KLF4: variants seen among roughly 807,000 people sequenced by gnomAD.
KLF4 encodes KLF transcription factor 4, also known as Krueppel-like factor 4.
A neutral mutation model predicts 38.0 loss-of-function variants in KLF4; 14 were observed. The observed-to-expected ratio is 0.37, with a 90% CI of 0.24 to 0.58. The LOEUF (loss-of-function observed/expected upper bound fraction) is 0.58. Among genes scored for constraint, KLF4 ranks in the 20% least tolerant of loss-of-function variants. The pLI is 0.76. For missense variants in KLF4, 737 were observed against 670.1 expected (o/e 1.10, Z -1.10); for synonymous variants, 398 against 302.5 (o/e 1.32, Z -3.28).
Position 107,488,973 on chromosome 9 carries a change from G to C in KLF4, c.83C>G (p.Ala28Gly), listed in dbSNP as rs1307202426. 6.4e-7 allele frequency: 1 copy of C among 1,568,338 alleles called. No homozygotes were observed. Among genetic ancestry groups the C allele is most frequent in the African/African-American group, 1.4e-5 (1 of 73,910 alleles). ...PSFSTFASGP[A>G]GREKTLRQAG... Reference sequence around the variant, plus strand: ...TTGACGCAGTGTCTTCTCCCTTCCCGCCGGGCCAGACGCGAACGTGGAGAA... The same window carrying C: ...TTGACGCAGTGTCTTCTCCCTTCCCCCCGGGCCAGACGCGAACGTGGAGAA... The change falls in exon 2 of 5, where the codon GCG becomes GGG. Residue 28 changes from alanine (A) to glycine (G), a missense_variant. Around this residue, in one of 2 missense-constraint regions of KLF4, gnomAD observed 695 missense variants for 554.5 expected, o/e 1.25. Transcript: ENST00000374672. The surrounding 1 kb of genome is among the most constrained non-coding windows in gnomAD (Gnocchi z 5.7).
In KLF4 at chr9:107,487,615, G is replaced by C. The variant is rs768059460; in HGVS notation, c.779C>G (p.Pro260Arg). ...GCCGTTGTAGGGCGCCACCACCACC[G>C]GGTGGCTGCCGTCAGGGCTGCCTTT... is the stretch of plus-strand genomic sequence containing the variant. ...VSKGSPDGSH[P>R]VVVAPYNGGP... Residue 260 changes from proline (P) to arginine (R), a missense_variant, in exon 3 of 5, where the codon CCG becomes CGG. Around this residue, in one of 2 missense-constraint regions of KLF4, gnomAD observed 695 missense variants for 554.5 expected, o/e 1.25. Coordinates refer to ENST00000374672, the MANE Select transcript of KLF4 (RefSeq NM_004235.6). This position sits in a 1 kb window ranked among gnomAD's most constrained non-coding sequence, Gnocchi z 6.1. 93 of 1,600,772 alleles carry C rather than the reference G, an allele frequency of 5.8e-5. No individual in the cohort carries two copies. In the African/African-American group the frequency reaches 1.1e-3, roughly 19 times the overall value.
Position 107,487,395 on chromosome 9 carries a change from G to C in KLF4, c.999C>G (p.Ala333=). ...GATGGAAGCCGGGAGGAAGCGGCAG[G>C]GCAGGGTGACAGTCCCTGCTGCTCA... ...EVLSSRDCHP[A]LPLPPGFHPH... The change falls in exon 3 of 5, where the codon GCC becomes GCG. Residue 333 remains alanine (A), a synonymous_variant. Transcript: ENST00000374672. This position sits in a 1 kb window ranked among gnomAD's most constrained non-coding sequence, Gnocchi z 6.1. 6.5e-7 allele frequency: 1 copy of C among 1,529,748 alleles called. No individual in the cohort carries two copies. Among genetic ancestry groups the C allele is most frequent in the Non-Finnish European group, 8.8e-7 (1 of 1,139,530 alleles). The allele number at this position is 1,529,748 out of a possible 1,614,324, so 94.8% of individuals were successfully genotyped here.
chr9:107,489,378 AAATAGAC>A lies in KLF4; in HGVS notation c.-213_-207del. 1 of 598,082 alleles carries A rather than the reference AAATAGAC, an allele frequency of 1.7e-6. No homozygotes were observed. The highest frequency in any genetic ancestry group is 3.5e-5 in the South Asian group (1 of 28,214). 37.0% of individuals were successfully genotyped at this position (598,082 alleles called of 1,614,324 possible). On this transcript the variant is annotated 5_prime_UTR_variant, in exon 1 of 5. Coordinates refer to ENST00000374672, the MANE Select transcript of KLF4 (RefSeq NM_004235.6). Reference sequence around the variant, plus strand: ...GTTCTTAGAAAAGTTGTAAACGCAAAAATAGACAATCAGCAAGGCGAGTAAGTAGGTC... The same window carrying A: ...GTTCTTAGAAAAGTTGTAAACGCAAAAATCAGCAAGGCGAGTAAGTAGGTC...
chr9:107,486,961 G>A (rs530970721), intron 4 of KLF4, 67 bp downstream of exon 4: 15 of 1,612,062 alleles, frequency 9.3e-6, no homozygotes, highest in African/African-American at 2.7e-5. Context: ...AGGCACTGAG[G>A]AGTGTCCACT....
Position 107,486,512 on chromosome 9 carries a change from G to A in KLF4, c.1264+516C>T, listed in dbSNP as rs576351701. 6.1e-5 allele frequency among the ~76,000 whole-genome samples: 9 copies of A among 146,726 alleles called. No individual in the cohort carries two copies. In the South Asian group the frequency reaches 2.0e-3, roughly 32 times the overall value. ...AAAATAAAACCTTCTGCTTGTGGGG[G>A]AAAAAAAATAAAAATGTAAATCAAA... On this transcript the variant is annotated intron_variant, in intron 4 of 4. Coordinates refer to ENST00000374672, the MANE Select transcript of KLF4 (RefSeq NM_004235.6).
Position 107,484,883 on chromosome 9 carries a change from CTTAA to C in KLF4, c.*864_*867del, listed in dbSNP as rs1287094977. 5.4e-6 allele frequency: 1 copy of C among 186,856 alleles called. No individual in the cohort carries two copies. The highest frequency in any genetic ancestry group is 1.1e-5 in the Non-Finnish European group (1 of 88,334). 11.6% of individuals were successfully genotyped at this position (186,856 alleles called of 1,614,324 possible). On this transcript the variant is annotated 3_prime_UTR_variant, in exon 5 of 5. Transcript: ENST00000374672. ...TAAAATATTATAGGTTTATTTAAAA[CTTAA>C]TTCTCACCTTGAGTATGCAAAATAC...
chr9:107,486,006 A>G (rs1829053816), intron 4 of KLF4, 80 bp from the exon 5 acceptor site: 1 of 1,304,862 alleles, frequency 7.7e-7, no homozygotes, highest in Non-Finnish European at 1.1e-6. Context: ...AAGGCCAGAT[A>G]GTAAACCAAC....
At chr9:107,486,337 G>A (rs963267990) in intron 4 of KLF4, among the ~76,000 whole-genome samples, 2 of 151,982 alleles carry the variant, frequency 1.3e-5, no homozygotes, top group African/African-American at 4.8e-5. Context: ...AGCCACAGGT[G>A]GCTACTTTTT....
At position 107,488,396 on chromosome 9, in the gene KLF4, G is replaced by A; in HGVS notation, c.127-129C>T. ...GGGACTGGTCAGGCAGGAAGCACCC[G>A]GGAACCCAGGGCGCCAGCGCTGCAA... On this transcript the variant is annotated intron_variant, in intron 2 of 4. Coordinates refer to ENST00000374672, the MANE Select transcript of KLF4 (RefSeq NM_004235.6). The surrounding 1 kb of genome is among the most constrained non-coding windows in gnomAD (Gnocchi z 5.7). 7.0e-7 allele frequency: 1 copy of A among 1,420,470 alleles called. No homozygotes were observed. Among genetic ancestry groups the A allele is most frequent in the East Asian group, 2.5e-5 (1 of 39,790 alleles). 88.0% of individuals were successfully genotyped at this position (1,420,470 alleles called of 1,614,324 possible). A position where few individuals can be genotyped will look rare whatever the true frequency, so the allele number is the denominator to read the frequency against.
rs1369075765 is a variant in KLF4 at position 107,488,867 on chromosome 9, C to T, written c.126+63G>A. The T allele has an allele frequency of 3.3e-6, 5 of 1,522,432 alleles. No individual in the cohort carries two copies. The East Asian group carries it at 1.2e-4, about 38-fold the overall frequency. 94.3% of individuals were successfully genotyped at this position (1,522,432 alleles called of 1,614,324 possible). On this transcript the variant is annotated intron_variant, in intron 2 of 4. Coordinates refer to ENST00000374672, the MANE Select transcript of KLF4 (RefSeq NM_004235.6). The surrounding 1 kb of genome is among the most constrained non-coding windows in gnomAD (Gnocchi z 5.7). ...GGCTCTTGGTGACCCCAAGGCTCCG[C>T]CCGCCCCCACCACACCCACGAAAAC...
In KLF4 at chr9:107,488,844, C is replaced by T. The variant is rs1173449564; in HGVS notation, c.126+86G>A. The T allele has an allele frequency of 1.3e-6, 2 of 1,487,990 alleles. No individual in the cohort carries two copies. The highest frequency in any genetic ancestry group is 4.3e-5 in the Admixed American group (2 of 46,218). The allele number at this position is 1,487,990 out of a possible 1,614,324, so 92.2% of individuals were successfully genotyped here. The stretch of plus-strand genomic sequence containing the variant: ...GCCGCTCCTTACCCTCGTTCAGTGG[C>T]TCTTGGTGACCCCAAGGCTCCGCCC... On this transcript the variant is annotated intron_variant, in intron 2 of 4. Coordinates refer to ENST00000374672, the MANE Select transcript of KLF4 (RefSeq NM_004235.6). The surrounding 1 kb of genome is among the most constrained non-coding windows in gnomAD (Gnocchi z 5.7).
intron 4 of KLF4, among the ~76,000 whole-genome samples, chr9:107,486,771 TCAAACA>T (rs1255017169): frequency 6.6e-6 from 1 of 151,956 alleles, no homozygotes; most frequent in Non-Finnish European, 1.5e-5. Flanking sequence ...AATTGCACAT[TCAAACA>T]CAGATACCAT....
Position 107,488,483 on chromosome 9 carries a change from G to C in KLF4, c.127-216C>G. On this transcript the variant is annotated intron_variant, in intron 2 of 4. Transcript: ENST00000374672. The surrounding 1 kb of genome is among the most constrained non-coding windows in gnomAD (Gnocchi z 5.7). The stretch of plus-strand genomic sequence containing the variant: ...GTCTGTATTGCGGGTGTTATGTCCT[G>C]TCTGCCCAATTGCGTGTGAGCGAGC... 1 of 827,086 alleles carries C rather than the reference G, an allele frequency of 1.2e-6. No individual in the cohort carries two copies. Among genetic ancestry groups the C allele is most frequent in the Non-Finnish European group, 1.8e-6 (1 of 551,980 alleles). 51.2% of individuals were successfully genotyped at this position (827,086 alleles called of 1,614,324 possible).
At position 107,489,162 on chromosome 9, in the gene KLF4, A is replaced by G; in HGVS notation, c.5+6T>C. 1 of 1,527,884 alleles carries G rather than the reference A, an allele frequency of 6.5e-7. No homozygotes were observed. The highest frequency in any genetic ancestry group is 2.5e-5 in the East Asian group (1 of 40,768). 94.6% of individuals were successfully genotyped at this position (1,527,884 alleles called of 1,614,324 possible). On this transcript the variant is annotated splice_donor_region_variant and intron_variant, in intron 1 of 4. Coordinates refer to ENST00000374672, the MANE Select transcript of KLF4 (RefSeq NM_004235.6). ...CCCTGCTCCCAGCGCCGCGCGCCTCACCTACCTCATTAATGTGGGGGCCCA... is the reference window on the plus strand; with the variant it reads ...CCCTGCTCCCAGCGCCGCGCGCCTCGCCTACCTCATTAATGTGGGGGCCCA...
Position 107,489,606 on chromosome 9 carries a change from A to G in KLF4, c.-434T>C, listed in dbSNP as rs1309809107. 9 of 166,652 alleles carry G rather than the reference A, an allele frequency of 5.4e-5. 1 individual carries two copies. The South Asian group carries it at 2.3e-3, about 43-fold the overall frequency. 10.3% of individuals were successfully genotyped at this position (166,652 alleles called of 1,614,324 possible). ...GCGCGGACTCCGGTGAGTTGTGTGG[A>G]GCGCGCGCGGCCATGGGCGCGGGCC... On this transcript the variant is annotated 5_prime_UTR_variant, in exon 1 of 5. Coordinates refer to ENST00000374672, the MANE Select transcript of KLF4 (RefSeq NM_004235.6).
chr9:107,489,482 C>A lies in KLF4; in HGVS notation c.-310G>T, dbSNP rs896745569. The A allele has an allele frequency of 1.2e-5, 3 of 260,354 alleles. No homozygotes were observed. The highest frequency in any genetic ancestry group is 2.2e-5 in the African/African-American group (1 of 44,862). 16.1% of individuals were successfully genotyped at this position (260,354 alleles called of 1,614,324 possible). ...CTGTCGCGGTCGCCTCGAGTGCTGC[C>A]GTGGGCGCAGGGGCTGTGGCCGGGG... On this transcript the variant is annotated 5_prime_UTR_variant, in exon 1 of 5. Coordinates refer to ENST00000374672, the MANE Select transcript of KLF4 (RefSeq NM_004235.6).
At position 107,487,534 on chromosome 9, in the gene KLF4, T is replaced by A. The variant is rs1829091484; in HGVS notation, c.860A>T (p.His287Leu). 1.3e-6 allele frequency: 2 copies of A among 1,557,894 alleles called. No homozygotes were observed. The change falls in exon 3 of 5, where the codon CAC becomes CTC. Residue 287 changes from histidine to leucine, a missense_variant. By Grantham distance (99) the His-to-Leu change is moderately conservative. Around this residue, in one of 2 missense-constraint regions of KLF4, gnomAD observed 695 missense variants for 554.5 expected, o/e 1.25. Coordinates refer to ENST00000374672, the MANE Select transcript of KLF4 (RefSeq NM_004235.6). The surrounding 1 kb of genome is among the most constrained non-coding windows in gnomAD (Gnocchi z 6.1). ...IKQEAVSSCT[H>L]LGAGPPLSNG... ...GCTGAGAGGGGGTCCAGCGCCCAAG[T>A]GGGTGCACGAAGAGACCGCCTCCTG...
chr9:107,485,798 ATGC>A lies in KLF4; in HGVS notation c.1390_1392del (p.Ala464del). The A allele has an allele frequency of 1.2e-6, 2 of 1,608,048 alleles. No individual in the cohort carries two copies. The highest frequency in any genetic ancestry group is 1.7e-6 in the Non-Finnish European group (2 of 1,177,914). Reference sequence around the variant, plus strand: ...AAGGCGAGGTGGTCCGACCTGGAAAATGCTCGGTCGCATTTTTGGCACTGGAAC... The same window carrying A: ...AAGGCGAGGTGGTCCGACCTGGAAAATCGGTCGCATTTTTGGCACTGGAAC... On this transcript the variant is annotated inframe_deletion, in exon 5 of 5. Coordinates refer to ENST00000374672, the MANE Select transcript of KLF4 (RefSeq NM_004235.6). This position sits in a 1 kb window ranked among gnomAD's most constrained non-coding sequence, Gnocchi z 4.9.
Position 107,487,229 on chromosome 9 carries a change from G to A in KLF4, c.1100-37C>T, listed in dbSNP as rs1385368841. 2.5e-6 allele frequency: 4 copies of A among 1,607,534 alleles called. No individual in the cohort carries two copies. Among genetic ancestry groups the A allele is most frequent in the Admixed American group, 1.7e-5 (1 of 59,654 alleles). On this transcript the variant is annotated intron_variant, in intron 3 of 4. Coordinates refer to ENST00000374672, the MANE Select transcript of KLF4 (RefSeq NM_004235.6). The surrounding 1 kb of genome is among the most constrained non-coding windows in gnomAD (Gnocchi z 6.1). ...GAAGGTGGGGTGAGCATCATCCCGT[G>A]TGTCCCGAAGTGGGGCCAGCACACA... is the stretch of plus-strand genomic sequence containing the variant.
Sources: gnomAD v4.1 joint callset for allele counts (sites outside exome capture counted in the v4.1 genomes callset) on GRCh38, gnomAD v4.1.1 for gene constraint, gnomAD v4.1.1 regional missense constraint, Gnocchi (gnomAD v3.1) non-coding constraint, MANE v1.5 for transcripts, NCBI Gene and HGNC (gene_info 2026-07-23, HGNC 2026-07-21) for gene names.